The following PUM2 variants were observed in gnomAD, a reference collection of about 807,000 sequenced individuals.
PUM2 encodes pumilio RNA binding family member 2.
In PUM2, 57 loss-of-function variants were observed where a neutral mutation model predicts 124.5. The ratio of observed to expected loss-of-function variants is 0.46; its 90% confidence interval spans 0.37 to 0.57. PUM2 has a LOEUF of 0.57. Ranked by LOEUF, PUM2 falls within the 20% of genes least tolerant of loss-of-function variation. PUM2 has a pLI of 0.00. For missense variants in PUM2, 1,065 were observed against 1,290.6 expected, an observed-to-expected ratio of 0.83 and a Z score of 2.68; for synonymous variants, 460 against 446.1, an observed-to-expected ratio of 1.03 and a Z score of -0.39.
chr2:20,333,730 T>C lies in PUM2; in HGVS notation c.-18-6352A>G, dbSNP rs75956880. On this transcript the variant is annotated intron_variant, in intron 1 of 20. Coordinates refer to ENST00000361078, the MANE Select transcript of PUM2 (RefSeq NM_015317.5). ...GAGTTCAAGACCAGCCCTTGCAACA[T>C]AGCGAGACCCTGAGATATGGTTTGG... Among the ~76,000 whole-genome samples, 28 of 152,192 alleles carry C rather than the reference T, an allele frequency of 1.8e-4. No homozygotes were observed. The East Asian group carries it at 4.8e-3, about 26-fold the overall frequency.
intron 3 of PUM2, 151 bp downstream of exon 3, chr2:20,318,386 G>A: frequency 1.6e-6 from 1 of 623,202 alleles, no homozygotes; most frequent in Non-Finnish European, 2.7e-6. Flanking sequence ...AGGATTGCAT[G>A]AGCTCAGTTA....
intron 7 of PUM2, among the ~76,000 whole-genome samples, chr2:20,302,362 A>G (rs1677202591): frequency 1.3e-5 from 2 of 152,220 alleles, no homozygotes. Context: ...CCAACCTAAT[A>G]GGTAAATTAA....
chr2:20,332,282 AGTGTGTGT>A (rs55986830), intron 1 of PUM2, among the ~76,000 whole-genome samples: 278 of 145,444 alleles, frequency 1.9e-3, no homozygotes, highest in African/African-American at 3.7e-3. Context: ...ATACTACTAG[AGTGTGTGT>A]GTGTGTGTGT....
At position 20,250,618 on chromosome 2, in the gene PUM2, G is replaced by A. The variant is rs1663080943; in HGVS notation, c.*967C>T. Reference sequence around the variant, plus strand: ...AAGAGCTATCTGAATATGTAATCATGCTTAAATGCTGAGCTATCAAATTCA... The same window carrying A: ...AAGAGCTATCTGAATATGTAATCATACTTAAATGCTGAGCTATCAAATTCA... On this transcript the variant is annotated 3_prime_UTR_variant, in exon 21 of 21. Coordinates refer to ENST00000361078, the MANE Select transcript of PUM2 (RefSeq NM_015317.5). The A allele has an allele frequency of 6.6e-6, 1 of 152,148 alleles. No homozygotes were observed. Among genetic ancestry groups the A allele is most frequent in the Admixed American group, 6.5e-5 (1 of 15,278 alleles). 9.4% of individuals were successfully genotyped at this position (152,148 alleles called of 1,614,324 possible).
chr2:20,282,858 T>C, intron 12 of PUM2, 89 bp downstream of exon 12: 3 of 1,359,762 alleles, frequency 2.2e-6, no homozygotes, highest in Non-Finnish European at 3.0e-6. Flanking sequence ...CTTCCTATCC[T>C]ACATGCTATT....
At chr2:20,276,960 T>C (rs1466017763) in intron 13 of PUM2, among the ~76,000 whole-genome samples, 3 of 152,134 alleles carry the variant, frequency 2.0e-5, no homozygotes, top group African/African-American at 4.8e-5. Flanking sequence ...TCTATTAGGC[T>C]GCTTTCTTTA....
intron 3 of PUM2, among the ~76,000 whole-genome samples, chr2:20,313,052 C>T (rs1408595202): frequency 6.6e-6 from 1 of 152,158 alleles, no homozygotes; most frequent in South Asian, 2.1e-4. Flanking sequence ...ATACCTTATA[C>T]AAAAATTAAC....
intron 1 of PUM2, among the ~76,000 whole-genome samples, chr2:20,329,857 A>G (rs762264305): frequency 1.3e-5 from 2 of 152,208 alleles, no homozygotes; most frequent in Non-Finnish European, 2.9e-5. Flanking sequence ...CAATACCAAA[A>G]AGTGTAACTT....
chr2:20,315,103 A>G (rs1303032505), intron 3 of PUM2, among the ~76,000 whole-genome samples: 2 of 140,464 alleles, frequency 1.4e-5, no homozygotes, highest in Non-Finnish European at 3.0e-5. Context: ...GGGTCTCACT[A>G]TATTGCCCAG....
At chr2:20,293,685 G>A (rs1335880034) in intron 9 of PUM2, among the ~76,000 whole-genome samples, 1 of 151,974 alleles carries the variant, frequency 6.6e-6, no homozygotes, top group African/African-American at 2.4e-5. Flanking sequence ...TCCAGCCTAG[G>A]TGACAGAGTA....
At chr2:20,262,777 T>G (rs886783427) in intron 14 of PUM2, among the ~76,000 whole-genome samples, 1 of 152,242 alleles carries the variant, frequency 6.6e-6, no homozygotes, top group African/African-American at 2.4e-5. Context: ...CAAATTTTCC[T>G]ATAACAAATG....
At chr2:20,316,943 A>T (rs1681088813) in intron 3 of PUM2, among the ~76,000 whole-genome samples, 1 of 152,124 alleles carries the variant, frequency 6.6e-6, no homozygotes, top group South Asian at 2.1e-4. Context: ...AGGCAGGAGA[A>T]TCACTTGAAC....
intron 8 of PUM2, 134 bp from the exon 9 acceptor site, chr2:20,294,652 C>CA (rs1675078808): frequency 9.5e-7 from 1 of 1,055,794 alleles, no homozygotes; most frequent in Admixed American, 3.1e-5. Flanking sequence ...TAATAAAAGA[C>CA]AAAGTATTGA....
chr2:20,278,247 G>C (rs1670695037), intron 13 of PUM2, among the ~76,000 whole-genome samples: 1 of 152,022 alleles, frequency 6.6e-6, no homozygotes, highest in South Asian at 2.1e-4. Flanking sequence ...CAAATCTTTT[G>C]ATAGTGAAAT....
intron 13 of PUM2, among the ~76,000 whole-genome samples, chr2:20,263,948 A>T (rs1302772064): frequency 2.0e-5 from 3 of 152,146 alleles, no homozygotes; most frequent in Non-Finnish European, 4.4e-5. Flanking sequence ...AATTCTTACC[A>T]TCATACCACT....
intron 1 of PUM2, among the ~76,000 whole-genome samples, chr2:20,341,215 A>G (rs1218881684): frequency 7.2e-5 from 11 of 152,164 alleles, no homozygotes. Context: ...ATTTTGACCC[A>G]GAAGTTTCTC....
chr2:20,294,576 G>T, intron 8 of PUM2, 58 bp from the exon 9 acceptor site: 1 of 1,504,818 alleles, frequency 6.6e-7, no homozygotes, highest in Non-Finnish European at 8.9e-7. Context: ...TAGACATGAG[G>T]TTAGCTACCT....
At chr2:20,329,459 C>CAAAGAA (rs891185365) in intron 1 of PUM2, among the ~76,000 whole-genome samples, 1 of 146,746 alleles carries the variant, frequency 6.8e-6, no homozygotes, top group African/African-American at 2.5e-5. Context: ...AAAGAAAAGA[C>CAAAGAA]AAAGAAAAAG....
intron 1 of PUM2, among the ~76,000 whole-genome samples, chr2:20,344,548 ATC>A (rs1161498203): frequency 6.6e-6 from 1 of 152,024 alleles, no homozygotes; most frequent in Non-Finnish European, 1.5e-5. Context: ...TATCTCTCCT[ATC>A]TCTCTTTTGT....
Sources: gnomAD v4.1 joint callset for allele counts (sites outside exome capture counted in the v4.1 genomes callset) on GRCh38, gnomAD v4.1.1 for gene constraint, MANE v1.5 for transcripts, NCBI Gene and HGNC (gene_info 2026-07-23, HGNC 2026-07-21) for gene names.